The following CRYBA4 variants were observed in gnomAD, a reference collection of about 807,000 sequenced individuals.
CRYBA4 encodes crystallin beta A4, also known as beta-crystallin A4.
Under a neutral mutation model 31.7 loss-of-function variants are expected in CRYBA4, and 30 were observed. The observed-to-expected ratio is 0.95, with a 90% confidence interval of 0.71 to 1.28. The LOEUF (loss-of-function observed/expected upper bound fraction) is 1.28, where lower values mean the gene tolerates loss of function less well. Ranked by LOEUF, CRYBA4 falls within the 50% of genes most tolerant of loss-of-function variation. The probability of loss-of-function intolerance (pLI) is 0.00; values close to 1 mark genes in which losing one functional copy is unlikely to be tolerated. For synonymous variants in CRYBA4, 102 were observed against 102.3 expected (o/e 1.00, Z 0.02); for missense variants, 225 against 260.7 (o/e 0.86, Z 0.94).
chr22:26,623,400 G>C, intron 3 of CRYBA4, 48 bp downstream of exon 3: 1 of 1,444,676 alleles, frequency 6.9e-7, no homozygotes, highest in South Asian at 1.1e-5. Context: ...GACAGGAAGG[G>C]ACCTAGAGAC....
chr22:26,613,910 T>C, the CRYBA4 span, among the ~76,000 whole-genome samples: 3 of 152,186 alleles, frequency 2.0e-5, no homozygotes, highest in Non-Finnish European at 4.4e-5. Flanking sequence ...AGAAAGAGAA[T>C]GCGCACCTGG....
chr22:26,592,862 G>A, the CRYBA4 span, among the ~76,000 whole-genome samples: 10 of 152,150 alleles, frequency 6.6e-5, no homozygotes, highest in South Asian at 2.1e-4. Flanking sequence ...TTTTGGTTCC[G>A]GAGAGGTTTG....
At chr22:26,627,357 C>CT (rs1169548472) in intron 4 of CRYBA4, among the ~76,000 whole-genome samples, 7 of 32,794 alleles carry the variant, frequency 2.1e-4, no homozygotes, top group African/African-American at 4.2e-4. Context: ...CCCTCCCTCC[C>CT]TCCTTTCTTT....
At chr22:26,621,878 C>A, upstream of CRYBA4, 1 of 648,592 alleles carries the variant, frequency 1.5e-6, no homozygotes, top group Non-Finnish European at 1.9e-6. Flanking sequence ...TTCTGTGGCC[C>A]AGTTGCTGAG....
the CRYBA4 span, among the ~76,000 whole-genome samples, chr22:26,605,588 TG>T: frequency 6.9e-6 from 1 of 145,982 alleles, no homozygotes; most frequent in Non-Finnish European, 1.5e-5. Context: ...GCAGGAGAAT[TG>T]CTTGCCCCAG....
chr22:26,590,454 C>A, the CRYBA4 span, among the ~76,000 whole-genome samples: 2 of 152,290 alleles, frequency 1.3e-5, no homozygotes, highest in East Asian at 3.9e-4. Context: ...AAAAGTAGAC[C>A]CGCAGCGGGG....
chr22:26,624,998 T>C (rs73880138), intron 3 of CRYBA4, among the ~76,000 whole-genome samples: 9,920 of 152,250 alleles, frequency 0.065, 387 homozygotes, highest in Middle Eastern at 0.11. Context: ...GGTCGCTCCT[T>C]GCAAGACTGC....
the CRYBA4 span, among the ~76,000 whole-genome samples, chr22:26,596,898 A>T: frequency 6.6e-6 from 1 of 152,184 alleles, no homozygotes; most frequent in Non-Finnish European, 1.5e-5. Flanking sequence ...AGAAGAGAAA[A>T]ACAAGTCCCA....
the CRYBA4 span, among the ~76,000 whole-genome samples, chr22:26,591,064 A>G: frequency 6.6e-6 from 1 of 152,120 alleles, no homozygotes; most frequent in Non-Finnish European, 1.5e-5. Context: ...CCATATGTAT[A>G]TATTATCTGT....
chr22:26,612,572 C>T, the CRYBA4 span, among the ~76,000 whole-genome samples: 12 of 152,174 alleles, frequency 7.9e-5, no homozygotes, highest in African/African-American at 2.4e-4. Context: ...AGGCTGGTCT[C>T]GAATTCCTGA....
At position 26,627,489 on chromosome 22, in the gene CRYBA4, TTTCTTTCTTTCTTTC is replaced by T. The variant is rs1929776390; in HGVS notation, c.301-796_301-782del. 5.6e-3 allele frequency among the ~76,000 whole-genome samples: 4 copies of T among 714 alleles called. 1 individual carries two copies. Among genetic ancestry groups the T allele is most frequent in the African/African-American group, 0.021 (4 of 188 alleles). The allele number at this position is 714 out of a possible 152,430, so 0.5% of individuals were successfully genotyped here. ...CTTTCTTTCTTTCTCTTTCTTTCCT[TTTCTTTCTTTCTTTC>T]TTTCTTTCTTTCTTTCTTTCTCTTT... On this transcript the variant is annotated intron_variant, in intron 4 of 5. Coordinates refer to ENST00000354760, the MANE Select transcript of CRYBA4 (RefSeq NM_001886.3).
the CRYBA4 span, chr22:26,607,916 C>G: frequency 6.2e-7 from 1 of 1,614,224 alleles, no homozygotes; most frequent in Non-Finnish European, 8.5e-7. Context: ...AGGACATGAG[C>G]CGATCACTGC....
chr22:26,611,276 T>A, the CRYBA4 span, among the ~76,000 whole-genome samples: 1 of 152,178 alleles, frequency 6.6e-6, no homozygotes, highest in Non-Finnish European at 1.5e-5. Context: ...GAATAGCCTC[T>A]GCCTCCTACA....
the CRYBA4 span, chr22:26,612,021 TG>T: frequency 1.5e-6 from 2 of 1,329,178 alleles, no homozygotes; most frequent in Non-Finnish European, 2.2e-6. Flanking sequence ...TACTGTTGTG[TG>T]GTCATTTTAC....
chr22:26,619,671 G>T (rs1181394314), upstream of CRYBA4, among the ~76,000 whole-genome samples: 4 of 152,172 alleles, frequency 2.6e-5, no homozygotes, highest in Non-Finnish European at 5.9e-5. Flanking sequence ...CCTCTCCTTG[G>T]CCTTTCATCC....
chr22:26,606,298 C>A, the CRYBA4 span, among the ~76,000 whole-genome samples: 73 of 152,148 alleles, frequency 4.8e-4, no homozygotes, highest in Non-Finnish European at 8.7e-4. Flanking sequence ...TTTATTTAAA[C>A]AAATATACCT....
chr22:26,605,872 G>A, the CRYBA4 span, among the ~76,000 whole-genome samples: 5 of 152,158 alleles, frequency 3.3e-5, 1 homozygote, highest in South Asian at 1.0e-3. Context: ...TGGTGGCCTG[G>A]ACCAGGACTG....
the CRYBA4 span, chr22:26,616,089 A>G: frequency 2.8e-6 from 4 of 1,406,404 alleles, no homozygotes; most frequent in Non-Finnish European, 4.0e-6. Flanking sequence ...AGGAGGAGGG[A>G]AGGAAGGAAA....
chr22:26,590,703 G>A, the CRYBA4 span, among the ~76,000 whole-genome samples: 7 of 152,174 alleles, frequency 4.6e-5, no homozygotes, highest in South Asian at 2.1e-4. Context: ...GTGAGTAGAG[G>A]CCTGGAATGC....
Sources: allele counts gnomAD v4.1 joint callset (sites outside exome capture counted in the v4.1 genomes callset), GRCh38; gene constraint gnomAD v4.1.1; transcripts MANE v1.5; gene names NCBI Gene and HGNC (gene_info 2026-07-23, HGNC 2026-07-21).